Variants in A2M observed in about 807,000 individuals in gnomAD.
A2M encodes the protein alpha-2-macroglobulin.
In A2M, 128 loss-of-function variants were observed where a neutral mutation model predicts 183.9. That is an observed-to-expected ratio of 0.70 (90% CI 0.60 to 0.81). The LOEUF (loss-of-function observed/expected upper bound fraction) is 0.81. A2M is among the 30% of genes least tolerant of loss of function. The pLI, the probability that A2M is intolerant of heterozygous loss-of-function variation, is 0.00. For missense variants in A2M, 1,495 were observed against 1,787.6 expected (o/e 0.84, Z 2.95); for synonymous variants, 592 against 670.8 (o/e 0.88, Z 1.81).
At chr12:9,079,396 C>T in intron 24 of A2M, 65 bp from the exon 25 acceptor site, 2 of 1,470,532 alleles carry the variant, frequency 1.4e-6, no homozygotes, top group Non-Finnish European at 1.9e-6. Flanking sequence ...GGAGAAATTA[C>T]TAAAAGTACC....
chr12:9,088,000 GTATT>G (rs1489391914), intron 22 of A2M, among the ~76,000 whole-genome samples: 5 of 152,080 alleles, frequency 3.3e-5, no homozygotes, highest in Admixed American at 3.3e-4. Context: ...GAATTGTGAT[GTATT>G]TATATTATAG....
In A2M at chr12:9,080,155, T is replaced by A. The variant is rs982325617; in HGVS notation, c.2793A>T (p.Leu931Phe). The A allele has an allele frequency of 1.3e-6, 2 of 1,586,598 alleles. No individual in the cohort carries two copies. Among genetic ancestry groups the A allele is most frequent in the Non-Finnish European group, 1.7e-6 (2 of 1,165,474 alleles). Residue 931 changes from leucine (L) to phenylalanine (F), a missense_variant, in exon 23 of 36, where the codon TTA becomes TTT. Leu to Phe is a conservative substitution (Grantham distance 22). Transcript: ENST00000318602. ...CPSGGEVSEE[L>F]SLKLPPNVVE... ...CCACATTTGGTGGCAGTTTCAGGGATAATTCTTCAGAAACCTCACCACCTA... is the reference window on the plus strand; with the variant it reads ...CCACATTTGGTGGCAGTTTCAGGGAAAATTCTTCAGAAACCTCACCACCTA...
At chr12:9,070,242 C>G (rs1435853131) in intron 32 of A2M, among the ~76,000 whole-genome samples, 2 of 152,150 alleles carry the variant, frequency 1.3e-5, no homozygotes, top group East Asian at 3.9e-4. Context: ...AAATTCTAAG[C>G]TAAGAAGAAA....
At chr12:9,073,615 T>C (rs1301570369) in intron 29 of A2M, among the ~76,000 whole-genome samples, 1 of 152,224 alleles carries the variant, frequency 6.6e-6, no homozygotes, top group African/African-American at 2.4e-5. Context: ...TGCCATTTTG[T>C]CACATTTTTT....
rs377227668 is a variant in A2M at position 9,068,265 on chromosome 12, A to G, written c.4367-41T>C. ...CCAACAAAAAACCAGAAATCATTACATGAAGTGAGAAAGAAAGCAAACATC... is the reference window on the plus strand; with the variant it reads ...CCAACAAAAAACCAGAAATCATTACGTGAAGTGAGAAAGAAAGCAAACATC... On this transcript the variant is annotated intron_variant, in intron 34 of 35. Coordinates refer to ENST00000318602, the MANE Select transcript of A2M (RefSeq NM_000014.6). 78 of 1,590,402 alleles carry G rather than the reference A, an allele frequency of 4.9e-5. No homozygotes were observed. The African/African-American group carries it at 9.0e-4, about 18-fold the overall frequency.
intron 4 of A2M, among the ~76,000 whole-genome samples, chr12:9,110,888 G>A (rs1363108103): frequency 1.3e-5 from 2 of 152,028 alleles, no homozygotes; most frequent in Non-Finnish European, 2.9e-5. Flanking sequence ...TACATGTAAA[G>A]TGCCATTTAC....
At chr12:9,077,507 C>T (rs55792849) in intron 26 of A2M, 87 bp from the exon 27 acceptor site, 22 of 1,473,966 alleles carry the variant, frequency 1.5e-5, no homozygotes, top group Admixed American at 1.9e-5. Context: ...TCATGGAATT[C>T]ATCCTTACCC....
intron 10 of A2M, 44 bp from the exon 11 acceptor site, chr12:9,104,444 A>C (rs1054698580): frequency 6.5e-7 from 1 of 1,536,462 alleles, no homozygotes; most frequent in Admixed American, 2.0e-5. Flanking sequence ...GTAATAACTA[A>C]TAGGCACCAA....
chr12:9,074,802 A>T lies in A2M; in HGVS notation c.3533-19T>A, dbSNP rs369316284. On this transcript the variant is annotated intron_variant, in intron 28 of 35. Transcript: ENST00000318602. ...GAGTTGTCTTAAAGATGAGAAAAAG[A>T]TATTTATAAGTGCCTACATATTTAT... is the stretch of plus-strand genomic sequence containing the variant. The T allele has an allele frequency of 1.6e-4, 250 of 1,585,402 alleles. 1 individual carries two copies. Among genetic ancestry groups the T allele is most frequent in the Non-Finnish European group, 1.9e-4 (226 of 1,165,780 alleles).
In A2M at chr12:9,106,642, C is replaced by G. The variant is rs1196623521; in HGVS notation, c.880-37G>C. The G allele has an allele frequency of 3.7e-6, 4 of 1,080,898 alleles. No homozygotes were observed. In the Admixed American group the frequency reaches 8.0e-5, roughly 22 times the overall value. The allele number at this position is 1,080,898 out of a possible 1,614,324, so 67.0% of individuals were successfully genotyped here. On this transcript the variant is annotated intron_variant, in intron 8 of 35. Coordinates refer to ENST00000318602, the MANE Select transcript of A2M (RefSeq NM_000014.6). ...GAAAATAAAATACAAAAATATAATG[C>G]ATATTATACTAAATAGATCAGTGGT...
chr12:9,076,642 T>A (rs950689527), intron 28 of A2M, 114 bp downstream of exon 28: 100 of 897,068 alleles, frequency 1.1e-4, no homozygotes, highest in Admixed American at 2.5e-5. Flanking sequence ...ATATATGATA[T>A]ATAGAAAAGA....
intron 4 of A2M, among the ~76,000 whole-genome samples, chr12:9,110,814 A>T (rs1215230711): frequency 6.6e-6 from 1 of 152,160 alleles, no homozygotes; most frequent in Non-Finnish European, 1.5e-5. Flanking sequence ...AGAACTTTTC[A>T]TTAATCTATT....
chr12:9,074,052 C>A (rs181306251), intron 29 of A2M, among the ~76,000 whole-genome samples: 5 of 143,472 alleles, frequency 3.5e-5, no homozygotes, highest in Admixed American at 7.2e-5. Flanking sequence ...TGCACCACTG[C>A]ATTCCAGCCT....
At chr12:9,101,812 G>A in intron 11 of A2M, 138 bp from the exon 12 acceptor site, 2 of 711,960 alleles carry the variant, frequency 2.8e-6, no homozygotes, top group Non-Finnish European at 2.3e-6. Context: ...AGTGGGAGAA[G>A]GACCCCTGAT....
chr12:9,116,068 G>A, upstream of A2M: 1 of 548,212 alleles, frequency 1.8e-6, no homozygotes, highest in Non-Finnish European at 3.4e-6. Context: ...TTAATTCCTG[G>A]CGGGCTAAAT....
At chr12:9,077,553 C>T in intron 26 of A2M, 133 bp from the exon 27 acceptor site, 4 of 1,472,172 alleles carry the variant, frequency 2.7e-6, no homozygotes, top group Non-Finnish European at 3.7e-6. Flanking sequence ...TCACAATCAA[C>T]TTTTGTTCTA....
intron 22 of A2M, chr12:9,080,459 T>C (rs1009319697): frequency 9.0e-6 from 2 of 223,294 alleles, no homozygotes; most frequent in Non-Finnish European, 1.7e-5. Context: ...TGTGATTCAG[T>C]TGCTGTCATC....
At chr12:9,113,919 T>A (rs1938933195) in intron 1 of A2M, among the ~76,000 whole-genome samples, 1 of 152,208 alleles carries the variant, frequency 6.6e-6, no homozygotes, top group South Asian at 2.1e-4. Context: ...CATGCGGACA[T>A]TACAAAAACT....
chr12:9,104,175 C>T, intron 11 of A2M, 64 bp downstream of exon 11: 2 of 1,528,980 alleles, frequency 1.3e-6, no homozygotes, highest in Non-Finnish European at 1.8e-6. Context: ...ATTTTCTCAC[C>T]CTTAGGTTGC....
Sources: allele counts gnomAD v4.1 joint callset (sites outside exome capture counted in the v4.1 genomes callset), GRCh38; gene constraint gnomAD v4.1.1; transcripts MANE v1.5; gene names NCBI Gene and HGNC (gene_info 2026-07-23, HGNC 2026-07-21).